Variants in GNG12 observed in about 807,000 individuals in gnomAD.
GNG12 encodes the protein G protein subunit gamma 12, also known as guanine nucleotide-binding protein G(I)/G(S)/G(O) subunit gamma-12.
For synonymous variants in GNG12, 28 were observed against 29.7 expected, an observed-to-expected ratio of 0.94 and a Z score of 0.19; for missense variants, 69 against 83.8, an observed-to-expected ratio of 0.82 and a Z score of 0.69.
intron 3 of GNG12, among the ~76,000 whole-genome samples, chr1:67,706,044 T>C (rs896584618): frequency 2.0e-5 from 3 of 152,178 alleles, no homozygotes; most frequent in African/African-American, 7.2e-5. Flanking sequence ...GAAGACATTA[T>C]ATATGTTTTG....
chr1:67,755,801 T>C (rs1356002357), intron 2 of GNG12, among the ~76,000 whole-genome samples: 2 of 152,200 alleles, frequency 1.3e-5, no homozygotes, highest in African/African-American at 2.4e-5. Context: ...ACTTTTATAA[T>C]GTCCTAAGGT....
At chr1:67,827,482 G>C (rs996118895) in intron 1 of GNG12, among the ~76,000 whole-genome samples, 2 of 151,196 alleles carry the variant, frequency 1.3e-5, no homozygotes, top group African/African-American at 4.9e-5. Flanking sequence ...CTTGAGTACA[G>C]TGGCACGATC....
intron 2 of GNG12, among the ~76,000 whole-genome samples, chr1:67,712,038 T>C (rs1485682870): frequency 6.6e-6 from 1 of 152,236 alleles, no homozygotes; most frequent in Non-Finnish European, 1.5e-5. Context: ...GCTGGAGTTC[T>C]AGCTAAGGAC....
At chr1:67,727,161 A>C (rs879860740) in intron 2 of GNG12, among the ~76,000 whole-genome samples, 3 of 152,196 alleles carry the variant, frequency 2.0e-5, no homozygotes, top group Admixed American at 6.5e-5. Flanking sequence ...TAATACAACA[A>C]TATTATGCCT....
At position 67,774,049 on chromosome 1, in the gene GNG12, T is replaced by C. The variant is rs1018729422; in HGVS notation, c.-27+3409A>G. 3.9e-5 allele frequency among the ~76,000 whole-genome samples: 6 copies of C among 152,298 alleles called. No individual in the cohort carries two copies. In the South Asian group the frequency reaches 6.2e-4, roughly 16 times the overall value. ...GTCGTCATTGTTTTACCTACAGAGA[T>C]GTTGTCGGCCACTCTGTGTGGCATT... On this transcript the variant is annotated intron_variant, in intron 2 of 3. Coordinates refer to ENST00000370982, the MANE Select transcript of GNG12 (RefSeq NM_018841.6).
chr1:67,725,721 T>C (rs1332291856), intron 2 of GNG12, among the ~76,000 whole-genome samples: 1 of 152,156 alleles, frequency 6.6e-6, no homozygotes, highest in Non-Finnish European at 1.5e-5. Flanking sequence ...ATCAGCAACA[T>C]CAATACAATT....
At chr1:67,805,371 A>C (rs911780494) in intron 1 of GNG12, among the ~76,000 whole-genome samples, 2 of 152,244 alleles carry the variant, frequency 1.3e-5, no homozygotes, top group Non-Finnish European at 2.9e-5. Flanking sequence ...AAATTGCAGG[A>C]ATGCTGAATA....
intron 2 of GNG12, among the ~76,000 whole-genome samples, chr1:67,746,271 C>T (rs1646506844): frequency 6.6e-6 from 1 of 152,210 alleles, no homozygotes; most frequent in Admixed American, 6.5e-5. Context: ...CTCCAATAAA[C>T]TACCTGCTGA....
At chr1:67,803,261 C>G (rs953576185) in intron 1 of GNG12, among the ~76,000 whole-genome samples, 1 of 152,142 alleles carries the variant, frequency 6.6e-6, no homozygotes, top group African/African-American at 2.4e-5. Context: ...TGCCTATAAT[C>G]CCAGCACTTT....
intron 1 of GNG12, among the ~76,000 whole-genome samples, chr1:67,819,833 G>A (rs576295981): frequency 6.6e-6 from 1 of 152,228 alleles, no homozygotes; most frequent in South Asian, 2.1e-4. Context: ...TACCTGGAAT[G>A]CTCTTCTCCA....
chr1:67,806,015 C>T (rs542257119), intron 1 of GNG12, among the ~76,000 whole-genome samples: 3 of 150,376 alleles, frequency 2.0e-5, no homozygotes, highest in South Asian at 2.1e-4. Context: ...AGAAAAAAAA[C>T]GAACCTAGAA....
chr1:67,737,636 C>T (rs914563922), intron 2 of GNG12, among the ~76,000 whole-genome samples: 1 of 151,602 alleles, frequency 6.6e-6, no homozygotes, highest in South Asian at 2.1e-4. Flanking sequence ...TGTATAAGCA[C>T]TAGCTTTTCC....
chr1:67,719,407 G>A (rs186165180), intron 2 of GNG12, among the ~76,000 whole-genome samples: 47 of 152,300 alleles, frequency 3.1e-4, no homozygotes, highest in African/African-American at 1.1e-3. Flanking sequence ...GGTGGGCATG[G>A]GGAGTTGTGC....
chr1:67,775,041 T>C (rs1394221712), intron 2 of GNG12, among the ~76,000 whole-genome samples: 1 of 152,212 alleles, frequency 6.6e-6, no homozygotes, highest in Admixed American at 6.5e-5. Flanking sequence ...ATCCCACCAC[T>C]ACCATTTGAT....
Position 67,710,038 on chromosome 1 carries a change from TTATATATATAGTTATATATA to T in GNG12, c.-26-2346_-26-2327del, listed in dbSNP as rs1557592130. Among the ~76,000 whole-genome samples the T allele has an allele frequency of 2.4e-4, 11 of 45,538 alleles. 1 individual carries two copies. Among genetic ancestry groups the T allele is most frequent in the Admixed American group, 3.8e-4 (1 of 2,608 alleles). The allele number at this position is 45,538 out of a possible 152,430, so 29.9% of individuals were successfully genotyped here. A position where few individuals can be genotyped will look rare whatever the true frequency, so the allele number is the denominator to read the frequency against. ...TATATATATAGTTATATATATATAG[TTATATATATAGTTATATATA>T]TATAGTTATATATATAGTTATATAT... On this transcript the variant is annotated intron_variant, in intron 2 of 3. Coordinates refer to ENST00000370982, the MANE Select transcript of GNG12 (RefSeq NM_018841.6).
At chr1:67,813,988 G>C (rs770537702) in intron 1 of GNG12, among the ~76,000 whole-genome samples, 2 of 152,034 alleles carry the variant, frequency 1.3e-5, no homozygotes, top group Non-Finnish European at 2.9e-5. Context: ...GTAACCCCAG[G>C]AGGAAGATAA....
chr1:67,716,696 C>T (rs1441125044), intron 2 of GNG12, among the ~76,000 whole-genome samples: 2 of 152,180 alleles, frequency 1.3e-5, no homozygotes, highest in Non-Finnish European at 2.9e-5. Context: ...GGCCAAGTAT[C>T]AGCCAGAAGC....
intron 1 of GNG12, among the ~76,000 whole-genome samples, chr1:67,809,093 G>T (rs1557624487): frequency 6.6e-6 from 1 of 152,120 alleles, no homozygotes; most frequent in African/African-American, 2.4e-5. Flanking sequence ...CAGACTAACA[G>T]GTGAACGAAA....
intron 2 of GNG12, among the ~76,000 whole-genome samples, chr1:67,747,334 G>A (rs1183931424): frequency 6.6e-6 from 1 of 152,130 alleles, no homozygotes; most frequent in Non-Finnish European, 1.5e-5. Flanking sequence ...TGGCCAGGCT[G>A]ATCTCGAACT....
Sources: allele counts gnomAD v4.1 joint callset (sites outside exome capture counted in the v4.1 genomes callset), GRCh38; gene constraint gnomAD v4.1.1; transcripts MANE v1.5; gene names NCBI Gene and HGNC (gene_info 2026-07-23, HGNC 2026-07-21).